Variants in PDE11A observed in about 807,000 individuals in gnomAD.
PDE11A encodes phosphodiesterase 11A.
A neutral mutation model predicts 100.5 loss-of-function variants in PDE11A; 100 were observed. The ratio of observed to expected loss-of-function variants is 1.00; its 90% CI spans 0.85 to 1.18. The LOEUF (loss-of-function observed/expected upper bound fraction) is 1.18. Among genes scored for constraint, PDE11A ranks in the 50% most tolerant of loss-of-function variants. The probability of loss-of-function intolerance (pLI) is 0.00; values close to 1 mark genes in which losing one functional copy is unlikely to be tolerated. For missense variants in PDE11A, 1,141 were observed against 1,152.6 expected (o/e 0.99, Z 0.15); for synonymous variants, 381 against 420.8 (o/e 0.91, Z 1.16).
chr2:177,772,001 CAATA>C (rs57220935), intron 9 of PDE11A, among the ~76,000 whole-genome samples: 74 of 149,366 alleles, frequency 5.0e-4, no homozygotes, highest in Admixed American at 1.3e-3. Context: ...GACTCTGTCT[CAATA>C]AATAAATAAA....
In PDE11A at chr2:177,933,630, G is replaced by A. The variant is rs1449819186; in HGVS notation, c.1072-28443C>T. Among the ~76,000 whole-genome samples the A allele has an allele frequency of 5.3e-5, 8 of 151,862 alleles. No individual in the cohort carries two copies. The East Asian group carries it at 7.8e-4, about 15-fold the overall frequency. ...AGGGAGGTGGAGGTTGCAGTGAGCCGAGACCACACCACTACACTCCAGCCT... is the reference window on the plus strand; with the variant it reads ...AGGGAGGTGGAGGTTGCAGTGAGCCAAGACCACACCACTACACTCCAGCCT... On this transcript the variant is annotated intron_variant, in intron 2 of 19. Transcript: ENST00000286063.
intron 19 of PDE11A, among the ~76,000 whole-genome samples, chr2:177,661,928 C>G (rs138508230): frequency 2.6e-5 from 4 of 152,158 alleles, no homozygotes; most frequent in African/African-American, 9.7e-5. Flanking sequence ...CAGGACACAA[C>G]TCTAATTTGG....
intron 19 of PDE11A, 109 bp downstream of exon 19, chr2:177,663,757 G>T (rs962293353): frequency 2.7e-6 from 2 of 744,982 alleles, no homozygotes; most frequent in Non-Finnish European, 4.9e-6. Flanking sequence ...AGAGCTCTCC[G>T]CAATGTGCAT....
At chr2:177,644,637 T>C (rs2080195306) in intron 19 of PDE11A, among the ~76,000 whole-genome samples, 1 of 152,188 alleles carries the variant, frequency 6.6e-6, no homozygotes, top group Admixed American at 6.5e-5. Flanking sequence ...GGGGGACCGT[T>C]GGGAAAACAT....
intron 9 of PDE11A, among the ~76,000 whole-genome samples, chr2:177,791,065 G>C (rs1331249349): frequency 1.1e-4 from 17 of 151,970 alleles, no homozygotes; most frequent in Admixed American, 1.0e-3. Flanking sequence ...ATAAATCATG[G>C]TGCTATAAAG....
chr2:178,094,513 C>A (rs1374049680), intron 2 of PDE11A, among the ~76,000 whole-genome samples: 1 of 152,116 alleles, frequency 6.6e-6, no homozygotes, highest in African/African-American at 2.4e-5. Flanking sequence ...GCCTGGGCAA[C>A]AGAGTGACAG....
chr2:177,705,632 T>C (rs1226406623), intron 13 of PDE11A, among the ~76,000 whole-genome samples: 1 of 152,146 alleles, frequency 6.6e-6, no homozygotes, highest in Non-Finnish European at 1.5e-5. Flanking sequence ...CTTCATAACT[T>C]CCCTAGATAT....
At chr2:177,693,431 C>T (rs2081069243) in intron 15 of PDE11A, among the ~76,000 whole-genome samples, 1 of 152,150 alleles carries the variant, frequency 6.6e-6, no homozygotes, top group Non-Finnish European at 1.5e-5. Flanking sequence ...GACTGGCTGA[C>T]CATAGTGGAG....
At chr2:177,872,523 T>C (rs2084154102) in intron 5 of PDE11A, among the ~76,000 whole-genome samples, 1 of 152,196 alleles carries the variant, frequency 6.6e-6, no homozygotes, top group South Asian at 2.1e-4. Flanking sequence ...CTGGTTATTA[T>C]TTAAAAATGG....
chr2:177,932,932 CA>C lies in PDE11A; in HGVS notation c.1072-27746del, dbSNP rs2085225932. ...ACTTAGACAATCCTAAGGACTTTAC[CA>C]AAAGGCTATTAGAACTGATAATTTT... On this transcript the variant is annotated intron_variant, in intron 2 of 19. Transcript: ENST00000286063. Among the ~76,000 whole-genome samples the C allele has an allele frequency of 3.3e-5, 5 of 151,782 alleles. 1 individual carries two copies. In the South Asian group the frequency reaches 1.0e-3, roughly 32 times the overall value.
chr2:177,854,427 C>T (rs2083793140), intron 5 of PDE11A, among the ~76,000 whole-genome samples: 4 of 151,830 alleles, frequency 2.6e-5, no homozygotes, highest in Admixed American at 2.0e-4. Flanking sequence ...ACTTCATTAC[C>T]AAGGCTTCCT....
At chr2:177,829,302 C>G (rs2083273604) in intron 6 of PDE11A, among the ~76,000 whole-genome samples, 1 of 152,062 alleles carries the variant, frequency 6.6e-6, no homozygotes, top group African/African-American at 2.4e-5. Flanking sequence ...TTATTCTATA[C>G]ATACTTCTAT....
At chr2:177,873,949 C>A (rs377624781) in intron 5 of PDE11A, among the ~76,000 whole-genome samples, 6 of 152,146 alleles carry the variant, frequency 3.9e-5, no homozygotes, top group African/African-American at 1.4e-4. Context: ...AACATATAGA[C>A]CTTTAGGACT....
intron 10 of PDE11A, among the ~76,000 whole-genome samples, chr2:177,744,393 G>T (rs1189009288): frequency 6.6e-6 from 1 of 150,600 alleles, no homozygotes; most frequent in Non-Finnish European, 1.5e-5. Flanking sequence ...TCTAAAGTAT[G>T]TTCAGACTTC....
chr2:178,042,315 A>G (rs1473880223), intron 1 of PDE11A, among the ~76,000 whole-genome samples: 2 of 152,138 alleles, frequency 1.3e-5, no homozygotes, highest in East Asian at 3.9e-4. Flanking sequence ...CTCCGCCTCT[A>G]CAAAAGAAAA....
intron 1 of PDE11A, among the ~76,000 whole-genome samples, chr2:178,059,502 G>A (rs999348349): frequency 1.3e-5 from 2 of 152,174 alleles, no homozygotes; most frequent in Non-Finnish European, 2.9e-5. Flanking sequence ...TAGGGAAGGG[G>A]AGATTGACTT....
At chr2:178,048,922 C>G (rs2086786926) in intron 1 of PDE11A, among the ~76,000 whole-genome samples, 1 of 152,074 alleles carries the variant, frequency 6.6e-6, no homozygotes. Flanking sequence ...GTGGGAGGAA[C>G]AGTGGGAGAG....
intron 2 of PDE11A, among the ~76,000 whole-genome samples, chr2:177,991,061 C>A (rs976112262): frequency 6.6e-6 from 1 of 150,438 alleles, no homozygotes; most frequent in African/African-American, 2.5e-5. Context: ...CAGTGGCTCA[C>A]GCCTGTAATC....
intron 16 of PDE11A, among the ~76,000 whole-genome samples, chr2:177,679,615 A>G (rs73979517): frequency 2.0e-5 from 3 of 152,158 alleles, no homozygotes; most frequent in Admixed American, 6.5e-5. Context: ...TAAAAATTAT[A>G]CAAAAAGAAA....
Sources: allele counts gnomAD v4.1 joint callset (sites outside exome capture counted in the v4.1 genomes callset), GRCh38; gene constraint gnomAD v4.1.1; transcripts MANE v1.5; gene names NCBI Gene and HGNC (gene_info 2026-07-23, HGNC 2026-07-21).